The following NFATC1 variants were observed in gnomAD, a reference collection of about 807,000 sequenced individuals.
NFATC1 encodes the protein nuclear factor of activated T cells 1, also known as nuclear factor of activated T-cells, cytoplasmic 1.
In NFATC1, 22 loss-of-function variants were observed where a neutral mutation model predicts 76.0. That is an observed-to-expected ratio of 0.29 (90% CI 0.21 to 0.41). The LOEUF (loss-of-function observed/expected upper bound fraction) is 0.41. Ranked by LOEUF, NFATC1 falls within the 10% of genes least tolerant of loss-of-function variation. The pLI, the probability that NFATC1 is intolerant of heterozygous loss-of-function variation, is 1.00. For missense variants in NFATC1, 1,357 were observed against 1,337.7 expected (o/e 1.01, Z -0.23); for synonymous variants, 704 against 613.1 (o/e 1.15, Z -2.19).
intron 4 of NFATC1, 102 bp downstream of exon 4, chr18:79,449,086 C>A: frequency 1.7e-6 from 2 of 1,169,458 alleles, no homozygotes; most frequent in Non-Finnish European, 2.4e-6. Context: ...CACTTCCAGG[C>A]TGCGTGGCCA....
chr18:79,451,066 G>C lies in NFATC1; in HGVS notation c.1702G>C (p.Val568Leu). The change falls in exon 5 of 10, where the codon GTC becomes CTC. Residue 568 changes from valine (V) to leucine (L), a missense_variant. Coordinates refer to ENST00000427363, the MANE Select transcript of NFATC1 (RefSeq NM_001278669.2). ...GGTACGGCTGGTGTTCCGCGTTCAC[G>C]TCCCGCAACCCAGCGGCCGCACGCT... is the stretch of plus-strand genomic sequence containing the variant. ...TRVRLVFRVH[V>L]PQPSGRTLSL... is the part of the protein sequence containing the mutation. The C allele has an allele frequency of 6.2e-7, 1 of 1,613,244 alleles. No individual in the cohort carries two copies. Among genetic ancestry groups the C allele is most frequent in the Non-Finnish European group, 8.5e-7 (1 of 1,179,972 alleles).
chr18:79,513,009 G>T (rs1325542152), intron 9 of NFATC1, among the ~76,000 whole-genome samples: 1 of 152,250 alleles, frequency 6.6e-6, no homozygotes, highest in Non-Finnish European at 1.5e-5. Flanking sequence ...GCCTGGCAGA[G>T]AATTTCGCTA....
intron 1 of NFATC1, among the ~76,000 whole-genome samples, chr18:79,404,333 C>T (rs186069895): frequency 6.6e-6 from 1 of 152,326 alleles, no homozygotes; most frequent in East Asian, 1.9e-4. Flanking sequence ...TTCTCGCTGG[C>T]AGATTGTTGG....
In NFATC1 at chr18:79,425,245, C is replaced by A. The variant is rs1431865471; in HGVS notation, c.1227-8334C>A. On this transcript the variant is annotated intron_variant, in intron 2 of 9. Transcript: ENST00000427363. ...TCTGTTTCTCTCCCTGTCTCTGTCT[C>A]TCTGTTTCTCTCCCTGTCTCTGTCT... Among the ~76,000 whole-genome samples the A allele has an allele frequency of 8.0e-5, 12 of 150,616 alleles. No individual in the cohort carries two copies. In the South Asian group the frequency reaches 2.5e-3, roughly 31 times the overall value.
At chr18:79,513,840 A>G (rs371880642) in intron 9 of NFATC1, among the ~76,000 whole-genome samples, 8 of 152,142 alleles carry the variant, frequency 5.3e-5, no homozygotes, top group East Asian at 3.9e-4. Flanking sequence ...CTGAGGGTAC[A>G]CTGGCTGTGC....
chr18:79,493,618 G>A (rs1275813942), intron 9 of NFATC1: 1 of 152,212 alleles, frequency 6.6e-6, no homozygotes, highest in African/African-American at 2.4e-5. Flanking sequence ...CGCCCCTCCT[G>A]AGCCGGAGCT....
chr18:79,426,811 G>A (rs1437035347), intron 2 of NFATC1, among the ~76,000 whole-genome samples: 4 of 152,204 alleles, frequency 2.6e-5, no homozygotes, highest in South Asian at 2.1e-4. Flanking sequence ...TGCCCCACCC[G>A]GCCCCCGGGG....
chr18:79,430,273 C>T (rs188709166), intron 2 of NFATC1, among the ~76,000 whole-genome samples: 351 of 152,218 alleles, frequency 2.3e-3, no homozygotes, highest in African/African-American at 8.1e-3. Flanking sequence ...TGGGGGGAGG[C>T]GGCTTTTCTT....
chr18:79,397,932 G>C (rs2085061810), intron 1 of NFATC1, among the ~76,000 whole-genome samples: 4 of 152,214 alleles, frequency 2.6e-5, no homozygotes, highest in Admixed American at 1.3e-4. Flanking sequence ...TTTTATGAGG[G>C]CTGCAGAACT....
At chr18:79,437,538 C>T (rs1327532548) in intron 3 of NFATC1, among the ~76,000 whole-genome samples, 1 of 152,218 alleles carries the variant, frequency 6.6e-6, no homozygotes, top group Non-Finnish European at 1.5e-5. Context: ...AGGGGGCGTC[C>T]GCCTGCTGTC....
At position 79,448,731 on chromosome 18, in the gene NFATC1, C is replaced by T. The variant is rs148524888; in HGVS notation, c.1387-51C>T. ...GTTTTCTCTGCGTTCCGGTGACTCC[C>T]GGCGGTCTGTGCTCTGGGTGCTGAG... On this transcript the variant is annotated intron_variant, in intron 3 of 9. Coordinates refer to ENST00000427363, the MANE Select transcript of NFATC1 (RefSeq NM_001278669.2). 7.6e-4 allele frequency: 1,200 copies of T among 1,575,208 alleles called. 10 individuals are homozygous for T. The East Asian group carries it at 0.015, about 19-fold the overall frequency.
intron 3 of NFATC1, among the ~76,000 whole-genome samples, chr18:79,438,888 C>T (rs2086874000): frequency 6.6e-6 from 1 of 152,232 alleles, no homozygotes; most frequent in Non-Finnish European, 1.5e-5. Context: ...TCAACTTTGC[C>T]TCCACAGATC....
rs750464052 is a variant in NFATC1 at position 79,475,276 on chromosome 18, G to A, written c.2092+7694G>A. The stretch of plus-strand genomic sequence containing the variant: ...TCGACGTTGTAAACCTGAGGGAAGC[G>A]TGTTCTCACGCTCACTGTCAACGTT... On this transcript the variant is annotated intron_variant, in intron 8 of 9. Transcript: ENST00000427363. Among the ~76,000 whole-genome samples, 19 of 146,986 alleles carry A rather than the reference G, an allele frequency of 1.3e-4. 1 individual carries two copies. In the East Asian group the frequency reaches 2.4e-3, roughly 18 times the overall value.
intron 2 of NFATC1, among the ~76,000 whole-genome samples, chr18:79,416,967 G>A (rs2085898691): frequency 6.6e-6 from 1 of 152,208 alleles, no homozygotes; most frequent in Admixed American, 6.5e-5. Context: ...GCTCTGAAGG[G>A]TCTTGAAGAA....
intron 6 of NFATC1, among the ~76,000 whole-genome samples, chr18:79,460,783 C>T (rs1246427168): frequency 2.0e-5 from 3 of 152,156 alleles, no homozygotes; most frequent in Admixed American, 6.5e-5. Flanking sequence ...GAGCCCCCGG[C>T]CCCCCGTCAC....
chr18:79,455,347 C>T (rs1327956992), intron 6 of NFATC1, among the ~76,000 whole-genome samples: 1 of 152,110 alleles, frequency 6.6e-6, no homozygotes, highest in Non-Finnish European at 1.5e-5. Flanking sequence ...TCTGTGGCCG[C>T]CGTGACTGGC....
intron 9 of NFATC1, among the ~76,000 whole-genome samples, chr18:79,505,760 T>C (rs1309763259): frequency 5.7e-4 from 22 of 38,930 alleles, no homozygotes; most frequent in African/African-American, 2.0e-3. Flanking sequence ...AGGTGGTGGA[T>C]GAGACCCTTG....
At chr18:79,522,903 C>T (rs539726007) in intron 9 of NFATC1, among the ~76,000 whole-genome samples, 7 of 152,200 alleles carry the variant, frequency 4.6e-5, no homozygotes, top group African/African-American at 1.7e-4. Context: ...GCTTGCCCAG[C>T]GGGGCCCCAG....
chr18:79,413,217 CTGGGACTTGGCATGAGGAGTGTCGT>C (rs1410445479), intron 2 of NFATC1, among the ~76,000 whole-genome samples: 6 of 152,198 alleles, frequency 3.9e-5, no homozygotes, highest in African/African-American at 1.4e-4. Context: ...GGTCCCAAGA[CTGGGACTTGGCATGAGGAGTGTCGT>C]AATGCAGTTG....
Sources: gnomAD v4.1 joint callset for allele counts (sites outside exome capture counted in the v4.1 genomes callset) on GRCh38, gnomAD v4.1.1 for gene constraint, MANE v1.5 for transcripts, NCBI Gene and HGNC (gene_info 2026-07-23, HGNC 2026-07-21) for gene names.